Variants in EDARADD observed in about 807,000 individuals in gnomAD.
EDARADD encodes the protein EDAR associated via death domain.
EDARADD carries 20 observed loss-of-function variants against 25.6 expected under a neutral mutation model. The ratio of observed to expected loss-of-function variants is 0.78; its 90% confidence interval spans 0.55 to 1.14. EDARADD has a LOEUF of 1.14. Among genes scored for constraint, EDARADD ranks in the 50% most tolerant of loss-of-function variants. The probability of loss-of-function intolerance (pLI) is 0.00; values close to 1 mark genes in which losing one functional copy is unlikely to be tolerated. For missense variants in EDARADD, 225 were observed against 270.1 expected (o/e 0.83, Z 1.17); for synonymous variants, 86 against 94.4 (o/e 0.91, Z 0.52).
intron 4 of EDARADD, among the ~76,000 whole-genome samples, chr1:236,432,878 G>C (rs1201495077): frequency 6.6e-6 from 1 of 151,456 alleles, no homozygotes; most frequent in Non-Finnish European, 1.5e-5. Context: ...GCTGCAGTGA[G>C]CTGTGACTGT....
intron 3 of EDARADD, among the ~76,000 whole-genome samples, chr1:236,369,604 G>C (rs1425141371): frequency 6.6e-6 from 1 of 152,166 alleles, no homozygotes; most frequent in Non-Finnish European, 1.5e-5. Flanking sequence ...CACTTTGGGG[G>C]GCCGAGGCAG....
chr1:236,430,525 A>T (rs1048774999), intron 4 of EDARADD, among the ~76,000 whole-genome samples: 25 of 152,242 alleles, frequency 1.6e-4, no homozygotes, highest in African/African-American at 5.5e-4. Context: ...AGTAAATACT[A>T]TCCTAAAAGG....
At chr1:236,412,965 G>A (rs1337103990) in intron 2 of EDARADD, among the ~76,000 whole-genome samples, 2 of 152,228 alleles carry the variant, frequency 1.3e-5, no homozygotes, top group African/African-American at 2.4e-5. Context: ...GCCTCCTGGG[G>A]CAATTCTCGT....
chr1:236,349,229 T>C (rs1257207192), intron 2 of EDARADD, among the ~76,000 whole-genome samples: 2 of 151,796 alleles, frequency 1.3e-5, no homozygotes, highest in Non-Finnish European at 2.9e-5. Flanking sequence ...TGGACTGTAG[T>C]GATGGGATCT....
chr1:236,433,314 T>TG (rs10706137), intron 4 of EDARADD, among the ~76,000 whole-genome samples: 9 of 150,464 alleles, frequency 6.0e-5, no homozygotes, highest in Non-Finnish European at 1.0e-4. Flanking sequence ...CCCAGCACTT[T>TG]GGGGGGGGCC....
chr1:236,420,815 C>T (rs1657763694), intron 3 of EDARADD, among the ~76,000 whole-genome samples: 1 of 148,966 alleles, frequency 6.7e-6, no homozygotes, highest in African/African-American at 2.5e-5. Context: ...GGTCTCGGCT[C>T]ACTGCACTCC....
intron 1 of EDARADD, among the ~76,000 whole-genome samples, chr1:236,407,419 T>G (rs868863090): frequency 6.6e-6 from 1 of 152,214 alleles, no homozygotes. Flanking sequence ...CAAAGAGATG[T>G]TGCCTTCTCG....
chr1:236,426,313 C>A (rs569213339), intron 3 of EDARADD, among the ~76,000 whole-genome samples: 1 of 152,290 alleles, frequency 6.6e-6, no homozygotes, highest in East Asian at 1.9e-4. Context: ...TCTCCTCACC[C>A]CTGCTCTAGG....
At chr1:236,400,480 C>A (rs1558110551) in intron 1 of EDARADD, among the ~76,000 whole-genome samples, 1 of 152,096 alleles carries the variant, frequency 6.6e-6, no homozygotes, top group South Asian at 2.1e-4. Context: ...CTCAATGAAA[C>A]AGTGTCAGCA....
At chr1:236,363,540 G>A (rs531769669) in intron 3 of EDARADD, among the ~76,000 whole-genome samples, 40 of 151,600 alleles carry the variant, frequency 2.6e-4, no homozygotes, top group African/African-American at 8.7e-4. Context: ...AACATAGCAA[G>A]ACTCTGTCTC....
intron 3 of EDARADD, among the ~76,000 whole-genome samples, chr1:236,424,737 G>T (rs968347282): frequency 6.6e-6 from 1 of 152,098 alleles, no homozygotes; most frequent in Non-Finnish European, 1.5e-5. Context: ...ACAACTCTGA[G>T]GATCAGGATC....
intron 4 of EDARADD, among the ~76,000 whole-genome samples, chr1:236,462,180 G>C (rs1410176166): frequency 6.6e-6 from 1 of 152,192 alleles, no homozygotes; most frequent in Non-Finnish European, 1.5e-5. Flanking sequence ...GACTTCCCTA[G>C]CATGTCAGCT....
chr1:236,373,906 C>A (rs1163594220), intron 3 of EDARADD, among the ~76,000 whole-genome samples: 9 of 152,096 alleles, frequency 5.9e-5, no homozygotes, highest in Non-Finnish European at 2.9e-5. Context: ...CTTTTGATTT[C>A]TTCCTTGATC....
intron 4 of EDARADD, among the ~76,000 whole-genome samples, chr1:236,457,694 C>T (rs1187243121): frequency 6.6e-6 from 1 of 151,818 alleles, no homozygotes; most frequent in African/African-American, 2.4e-5. Context: ...TGGTGCATGC[C>T]TGTAATCTCA....
intron 3 of EDARADD, among the ~76,000 whole-genome samples, chr1:236,357,956 T>A (rs1002334925): frequency 6.6e-6 from 1 of 151,840 alleles, no homozygotes; most frequent in Non-Finnish European, 1.5e-5. Flanking sequence ...CACTGCAACC[T>A]CTGCCCCTTA....
intron 1 of EDARADD, among the ~76,000 whole-genome samples, chr1:236,399,835 T>C (rs1356460466): frequency 6.6e-6 from 1 of 152,242 alleles, no homozygotes; most frequent in Non-Finnish European, 1.5e-5. Context: ...CCCTTTGTTC[T>C]GAGACTCCAC....
At chr1:236,348,472 G>A (rs2102988644) in intron 1 of EDARADD, among the ~76,000 whole-genome samples, 1 of 152,326 alleles carries the variant, frequency 6.6e-6, no homozygotes, top group African/African-American at 2.4e-5. Flanking sequence ...GCCAGCCGTC[G>A]CCGCGCCCCT....
chr1:236,439,737 C>T (rs583922), intron 4 of EDARADD, among the ~76,000 whole-genome samples: 119,979 of 152,138 alleles, frequency 0.79, 48,282 homozygotes, highest in Non-Finnish European at 0.88. Flanking sequence ...TTATATATTT[C>T]AGATAACAGT....
intron 3 of EDARADD, among the ~76,000 whole-genome samples, chr1:236,415,891 G>A (rs1312603047): frequency 6.6e-6 from 1 of 152,156 alleles, no homozygotes; most frequent in Non-Finnish European, 1.5e-5. Context: ...GATGGCAGGG[G>A]CACCTGGCAT....
Sources: gnomAD v4.1 joint callset for allele counts (sites outside exome capture counted in the v4.1 genomes callset) on GRCh38, gnomAD v4.1.1 for gene constraint, MANE v1.5 for transcripts, NCBI Gene and HGNC (gene_info 2026-07-23, HGNC 2026-07-21) for gene names.